Variants in TGFB2 observed in about 807,000 individuals in gnomAD.
TGFB2 encodes the protein transforming growth factor beta-2 proprotein.
In TGFB2, 13 loss-of-function variants were observed where a neutral mutation model predicts 42.7. The observed-to-expected ratio is 0.30, with a 90% confidence interval of 0.20 to 0.48. The LOEUF (loss-of-function observed/expected upper bound fraction) is 0.48, where lower values mean the gene tolerates loss of function less well. Among genes scored for constraint, TGFB2 ranks in the 20% least tolerant of loss-of-function variants. TGFB2 has a pLI of 0.99. For synonymous variants in TGFB2, 193 were observed against 193.6 expected (o/e 1.00, Z 0.03); for missense variants, 390 against 517.5 (o/e 0.75, Z 2.39).
At chr1:218,440,235 T>C (rs957047784) in intron 6 of TGFB2, among the ~76,000 whole-genome samples, 1 of 152,242 alleles carries the variant, frequency 6.6e-6, no homozygotes, top group Non-Finnish European at 1.5e-5. Flanking sequence ...ATGATCGTTT[T>C]AAGCAAAATG....
intron 1 of TGFB2, among the ~76,000 whole-genome samples, chr1:218,395,956 T>C (rs1250945143): frequency 6.6e-6 from 1 of 152,156 alleles, no homozygotes; most frequent in Non-Finnish European, 1.5e-5. Context: ...AAATGGCCTT[T>C]GCAGTGATGA....
intron 2 of TGFB2, among the ~76,000 whole-genome samples, chr1:218,431,274 TC>T (rs995650916): frequency 1.6e-4 from 25 of 152,210 alleles, no homozygotes; most frequent in Non-Finnish European, 4.4e-5. Context: ...GAAGCTCTTA[TC>T]GTAGTTCTCC....
intron 1 of TGFB2, among the ~76,000 whole-genome samples, chr1:218,401,809 T>A (rs1571872091): frequency 6.6e-6 from 1 of 152,168 alleles, no homozygotes; most frequent in African/African-American, 2.4e-5. Context: ...GCTCCCTCAG[T>A]GGAGGGCGGG....
chr1:218,432,615 G>A (rs981940714), intron 2 of TGFB2, among the ~76,000 whole-genome samples: 14 of 152,262 alleles, frequency 9.2e-5, no homozygotes, highest in South Asian at 4.1e-4. Flanking sequence ...ATGCATTTTT[G>A]TTTTACAAGG....
At chr1:218,381,851 A>T (rs6686287) in intron 1 of TGFB2, among the ~76,000 whole-genome samples, 2,309 of 151,730 alleles carry the variant, frequency 0.015, 62 homozygotes, top group African/African-American at 0.052. Flanking sequence ...GTGTGTGTGC[A>T]CACGCGCGTG....
intron 2 of TGFB2, among the ~76,000 whole-genome samples, chr1:218,429,894 G>T (rs965478778): frequency 7.2e-5 from 11 of 152,170 alleles, no homozygotes; most frequent in Admixed American, 3.3e-4. Context: ...GGGAAAAAAA[G>T]AAATGTATAA....
chr1:218,367,188 C>T (rs554925338), intron 1 of TGFB2, among the ~76,000 whole-genome samples: 1 of 152,170 alleles, frequency 6.6e-6, no homozygotes, highest in African/African-American at 2.4e-5. Context: ...GTGACACATA[C>T]CATGTATAAG....
At chr1:218,360,693 A>T (rs984365672) in intron 1 of TGFB2, among the ~76,000 whole-genome samples, 4 of 151,868 alleles carry the variant, frequency 2.6e-5, no homozygotes, top group Admixed American at 6.6e-5. Flanking sequence ...AATTTAAAAT[A>T]AAAAAAGTTA....
At chr1:218,423,685 G>C (rs1010518470) in intron 2 of TGFB2, among the ~76,000 whole-genome samples, 1 of 152,156 alleles carries the variant, frequency 6.6e-6, no homozygotes, top group Non-Finnish European at 1.5e-5. Flanking sequence ...TTGGTGGCCA[G>C]TTGTGTTATC....
At chr1:218,424,115 G>A (rs1383377188) in intron 2 of TGFB2, among the ~76,000 whole-genome samples, 1 of 152,198 alleles carries the variant, frequency 6.6e-6, no homozygotes, top group Non-Finnish European at 1.5e-5. Flanking sequence ...ACTTTTTTCT[G>A]CTGTATACCC....
chr1:218,404,022 G>T (rs1231276350), intron 1 of TGFB2, among the ~76,000 whole-genome samples: 1 of 130,608 alleles, frequency 7.7e-6, no homozygotes. Flanking sequence ...TATAGCCTCA[G>T]TTGCATATTC....
At chr1:218,413,477 G>A (rs907093693) in intron 2 of TGFB2, among the ~76,000 whole-genome samples, 2 of 152,304 alleles carry the variant, frequency 1.3e-5, no homozygotes, top group African/African-American at 2.4e-5. Context: ...AGAAGGCATC[G>A]GCGCTGTGCA....
chr1:218,376,483 AG>A (rs1002255186), intron 1 of TGFB2, among the ~76,000 whole-genome samples: 6 of 152,218 alleles, frequency 3.9e-5, no homozygotes, highest in Non-Finnish European at 2.9e-5. Context: ...ATAAAAAATG[AG>A]ATAGGTAGGG....
intron 1 of TGFB2, among the ~76,000 whole-genome samples, chr1:218,395,001 G>A (rs1658450544): frequency 6.6e-6 from 1 of 152,152 alleles, no homozygotes; most frequent in Admixed American, 6.5e-5. Flanking sequence ...CAAAGCTGGG[G>A]ATGTCAGGAA....
At chr1:218,435,847 A>C (rs1659952941) in intron 4 of TGFB2, 123 bp from the exon 5 acceptor site, 2 of 957,188 alleles carry the variant, frequency 2.1e-6, no homozygotes, top group East Asian at 4.9e-5. Flanking sequence ...AACTGTTGCC[A>C]GCTGATGCTG....
At chr1:218,420,743 A>G (rs1336835209) in intron 2 of TGFB2, among the ~76,000 whole-genome samples, 2 of 152,176 alleles carry the variant, frequency 1.3e-5, no homozygotes, top group Non-Finnish European at 2.9e-5. Flanking sequence ...TCACATGGGT[A>G]TGTATAATAC....
chr1:218,348,872 AAC>A (rs1656780108), intron 1 of TGFB2, among the ~76,000 whole-genome samples: 1 of 152,336 alleles, frequency 6.6e-6, no homozygotes. Flanking sequence ...GCACTTCTAT[AAC>A]ACAGAAAGGA....
chr1:218,396,285 T>A (rs1450370826), intron 1 of TGFB2, among the ~76,000 whole-genome samples: 1 of 152,036 alleles, frequency 6.6e-6, no homozygotes, highest in Non-Finnish European at 1.5e-5. Flanking sequence ...AGGGGGTGAG[T>A]AAACAAATAT....
chr1:218,409,675 A>C (rs74143059), intron 2 of TGFB2, among the ~76,000 whole-genome samples: 3,810 of 151,430 alleles, frequency 0.025, 115 homozygotes, highest in African/African-American at 0.083. Context: ...GAAAAAAAAA[A>C]CAGATTTGAT....
Sources: gnomAD v4.1 joint callset for allele counts (sites outside exome capture counted in the v4.1 genomes callset) on GRCh38, gnomAD v4.1.1 for gene constraint, MANE v1.5 for transcripts, NCBI Gene and HGNC (gene_info 2026-07-23, HGNC 2026-07-21) for gene names.